The following DCP2 variants were observed in gnomAD, a reference collection of about 807,000 sequenced individuals.
DCP2 encodes the protein decapping mRNA 2, also known as m7GpppN-mRNA hydrolase.
DCP2 carries 30 observed loss-of-function variants against 56.1 expected under a neutral mutation model. That is an observed-to-expected ratio of 0.53 (90% CI 0.40 to 0.73). DCP2 has a LOEUF of 0.73. DCP2 is among the 30% of genes least tolerant of loss of function. The probability of loss-of-function intolerance (pLI) is 0.00; values close to 1 mark genes in which losing one functional copy is unlikely to be tolerated. For missense variants in DCP2, 533 were observed against 502.7 expected (o/e 1.06, Z -0.58); for synonymous variants, 197 against 163.3 (o/e 1.21, Z -1.57).
In DCP2 at chr5:112,984,701, A is replaced by ATATAT. The variant is rs1181496332; in HGVS notation, c.54-1134_54-1133insTATAT. On this transcript the variant is annotated intron_variant, in intron 1 of 10. Transcript: ENST00000389063. ...ATTTCTTAATTAAAAAAAAAAAAAA[A>ATATAT]AAATATATATATATATATATATATT... The ATATAT allele has an allele frequency of 8.9e-3, 708 of 79,438 alleles. 8 individuals carry two copies. The highest frequency in any genetic ancestry group is 9.8e-3 in the Non-Finnish European group (417 of 42,484). The allele number at this position is 79,438 out of a possible 1,614,324, so 4.9% of individuals were successfully genotyped here. A position where few individuals can be genotyped will look rare whatever the true frequency, so the allele number is the denominator to read the frequency against.
At chr5:112,984,691 A>ATAT (rs1561685051) in intron 1 of DCP2, 10 of 70,296 alleles carry the variant, frequency 1.4e-4, no homozygotes, top group African/African-American at 7.3e-4. Context: ...TTAATTAAAA[A>ATAT]AAAAAAAAAA....
chr5:113,017,435 G>A lies in DCP2; in HGVS notation c.*3951G>A, dbSNP rs1448507419. 6.6e-6 allele frequency: 1 copy of A among 152,156 alleles called. No individual in the cohort carries two copies. The highest frequency in any genetic ancestry group is 1.5e-5 in the Non-Finnish European group (1 of 68,032). 9.4% of individuals were successfully genotyped at this position (152,156 alleles called of 1,614,324 possible). A position where few individuals can be genotyped will look rare whatever the true frequency, so the allele number is the denominator to read the frequency against. On this transcript the variant is annotated 3_prime_UTR_variant, in exon 11 of 11. Transcript: ENST00000389063. ...GGTAGAGTTTCTGATTTTGTATTATGTCCTAAGACTTGAAAGTGCATTTGT... is the reference window on the plus strand; with the variant it reads ...GGTAGAGTTTCTGATTTTGTATTATATCCTAAGACTTGAAAGTGCATTTGT...
chr5:113,005,834 T>G (rs1749404602), intron 8 of DCP2, among the ~76,000 whole-genome samples: 1 of 152,190 alleles, frequency 6.6e-6, no homozygotes, highest in African/African-American at 2.4e-5. Flanking sequence ...AGGAATGAAA[T>G]TAAGAAATGA....
intron 7 of DCP2, among the ~76,000 whole-genome samples, chr5:113,002,058 T>A (rs181756372): frequency 2.1e-4 from 32 of 152,314 alleles, no homozygotes; most frequent in African/African-American, 6.3e-4. Flanking sequence ...TTTGTTTTCT[T>A]GTAGGGGAGA....
chr5:113,001,442 A>T lies in DCP2; in HGVS notation c.671A>T (p.Lys224Ile). The change falls in exon 6 of 11, where the codon AAA (lysine) becomes ATA (isoleucine). Residue 224 changes from lysine (K) to isoleucine (I), a missense_variant. Around this residue, in one of 3 missense-constraint regions of DCP2, gnomAD observed 392 missense variants for 346.6 expected, o/e 1.13. Transcript: ENST00000389063. ...TCCAAACTTGGTTTGGCACCTAACAAATTTTTTATGGCCATTCCCTTTATC... is the reference window on the plus strand; with the variant it reads ...TCCAAACTTGGTTTGGCACCTAACATATTTTTTATGGCCATTCCCTTTATC... ...PKSKLGLAPNKFFMAIPFIRP... is the reference protein window; with the variant it reads ...PKSKLGLAPNIFFMAIPFIRP... 1 of 1,613,888 alleles carries T rather than the reference A, an allele frequency of 6.2e-7. No homozygotes were observed. The highest frequency in any genetic ancestry group is 8.5e-7 in the Non-Finnish European group (1 of 1,179,926).
intron 1 of DCP2, among the ~76,000 whole-genome samples, chr5:112,980,600 A>C (rs1162328337): frequency 6.6e-6 from 1 of 152,248 alleles, no homozygotes; most frequent in Non-Finnish European, 1.5e-5. Flanking sequence ...AAAACAGATC[A>C]AAAGCATTCA....
rs180787583 is a variant in DCP2, at chr5:112,995,423, G to C, written c.432+2653G>C. ...ATAGAAATCAGCAGTATCCTGCTTA[G>C]AGGAATTGATTGTAGCTCTGTACAT... is the stretch of plus-strand genomic sequence containing the variant. On this transcript the variant is annotated intron_variant, in intron 4 of 10. Transcript: ENST00000389063. Among the ~76,000 whole-genome samples the C allele has an allele frequency of 2.8e-4, 43 of 152,314 alleles. No individual in the cohort carries two copies. In the East Asian group the frequency reaches 7.9e-3, roughly 28 times the overall value.
At chr5:113,008,256 A>G (rs1489815637) in intron 9 of DCP2, 12 of 411,882 alleles carry the variant, frequency 2.9e-5, no homozygotes, top group Non-Finnish European at 5.2e-5. Context: ...TTGTACATCT[A>G]ATTTTTTATG....
chr5:113,003,187 T>C (rs1749260932), intron 7 of DCP2, among the ~76,000 whole-genome samples: 1 of 152,194 alleles, frequency 6.6e-6, no homozygotes, highest in Non-Finnish European at 1.5e-5. Context: ...CCTTGAGTGA[T>C]CTACCCTCCT....
chr5:112,998,687 T>G (rs2150181599), intron 4 of DCP2, among the ~76,000 whole-genome samples: 1 of 152,334 alleles, frequency 6.6e-6, no homozygotes, highest in South Asian at 2.1e-4. Flanking sequence ...ATAGATTAAT[T>G]CAAAGAATAG....
chr5:112,988,095 A>G (rs1244884718), intron 2 of DCP2, among the ~76,000 whole-genome samples: 1 of 152,144 alleles, frequency 6.6e-6, no homozygotes, highest in Non-Finnish European at 1.5e-5. Flanking sequence ...GCTCTGTAGA[A>G]AATGGATGAA....
chr5:113,017,584 A>T lies in DCP2; in HGVS notation c.*4100A>T, dbSNP rs1749940319. ...GAAAGATGGCAGACTGCAAATGGGC[A>T]GTACAGGCTTTGCCCCATGCTTTCA... On this transcript the variant is annotated 3_prime_UTR_variant, in exon 11 of 11. Transcript: ENST00000389063. 1 of 152,230 alleles carries T rather than the reference A, an allele frequency of 6.6e-6. No homozygotes were observed. The highest frequency in any genetic ancestry group is 2.1e-4 in the South Asian group (1 of 4,834). The allele number at this position is 152,230 out of a possible 1,614,324, so 9.4% of individuals were successfully genotyped here. A position where few individuals can be genotyped will look rare whatever the true frequency, so the allele number is the denominator to read the frequency against.
chr5:112,984,700 AAAAATATATAT>A (rs1483218945), intron 1 of DCP2: 2 of 107,996 alleles, frequency 1.9e-5, no homozygotes, highest in African/African-American at 8.8e-5. Flanking sequence ...AAAAAAAAAA[AAAAATATATAT>A]ATATATATAT....
At chr5:112,977,448 C>T (rs1039970335) in intron 1 of DCP2, among the ~76,000 whole-genome samples, 4 of 152,194 alleles carry the variant, frequency 2.6e-5, no homozygotes, top group African/African-American at 9.7e-5. Context: ...GTACGCGGAC[C>T]TGCGCAAGGA....
At chr5:112,989,067 T>G (rs939492738) in intron 2 of DCP2, among the ~76,000 whole-genome samples, 1 of 152,218 alleles carries the variant, frequency 6.6e-6, no homozygotes, top group African/African-American at 2.4e-5. Context: ...GTGCCAGGCC[T>G]TATGCAGTGA....
chr5:112,998,823 G>C (rs1748988499), intron 4 of DCP2, among the ~76,000 whole-genome samples: 1 of 152,192 alleles, frequency 6.6e-6, no homozygotes, highest in African/African-American at 2.4e-5. Flanking sequence ...AATTGCTTCT[G>C]CATGTATGTT....
chr5:112,988,494 T>TAAA (rs368124032), intron 2 of DCP2, among the ~76,000 whole-genome samples: 4,347 of 81,546 alleles, frequency 0.053, 237 homozygotes, highest in African/African-American at 0.12. Flanking sequence ...TGTGTCTTAA[T>TAAA]AAAAAAAAAA....
At position 112,976,961 on chromosome 5, in the gene DCP2, G is replaced by C; in HGVS notation, c.28G>C (p.Gly10Arg). The change falls in exon 1 of 11, where the codon GGC becomes CGC. Residue 10 changes from glycine to arginine, a missense_variant. Gly to Arg is a moderately radical substitution (Grantham distance 125). Transcript: ENST00000389063. METKRVEIP[G>R]SVLDDLCSRF... ...GGAGACCAAACGGGTGGAGATTCCC[G>C]GCAGCGTCCTGGACGATCTCTGCAG... 1 of 1,599,848 alleles carries C rather than the reference G, an allele frequency of 6.3e-7. No homozygotes were observed. The highest frequency in any genetic ancestry group is 8.6e-7 in the Non-Finnish European group (1 of 1,169,102).
intron 8 of DCP2, among the ~76,000 whole-genome samples, chr5:113,005,740 G>A (rs1476166210): frequency 6.6e-6 from 1 of 152,168 alleles, no homozygotes; most frequent in Non-Finnish European, 1.5e-5. Flanking sequence ...TAGCCAAAAG[G>A]TGGAAACAAC....
Sources: allele counts gnomAD v4.1 joint callset (sites outside exome capture counted in the v4.1 genomes callset), GRCh38; gene constraint gnomAD v4.1.1; regional missense constraint gnomAD v4.1.1; transcripts MANE v1.5; gene names NCBI Gene and HGNC (gene_info 2026-07-23, HGNC 2026-07-21).